The following SNX18 variants were observed in gnomAD, a reference collection of about 807,000 sequenced individuals.
SNX18 encodes the protein sorting nexin-18.
Under a neutral mutation model 48.7 loss-of-function variants are expected in SNX18, and 35 were observed. The ratio of observed to expected loss-of-function variants is 0.72; its 90% CI spans 0.55 to 0.95. SNX18 has a LOEUF of 0.95. Among genes scored for constraint, SNX18 ranks in the 40% least tolerant of loss-of-function variants. The probability of loss-of-function intolerance (pLI) is 0.00; values close to 1 mark genes in which losing one functional copy is unlikely to be tolerated. For missense variants in SNX18, 824 were observed against 871.0 expected, an observed-to-expected ratio of 0.95 and a Z score of 0.68; for synonymous variants, 492 against 384.7, an observed-to-expected ratio of 1.28 and a Z score of -3.26.
the SNX18 span, among the ~76,000 whole-genome samples, chr5:54,583,639 A>G: frequency 6.6e-6 from 1 of 152,220 alleles, no homozygotes; most frequent in African/African-American, 2.4e-5. Flanking sequence ...TATGTATAAA[A>G]TGAAGATCAA....
chr5:54,535,816 T>C (rs1459607576), intron 1 of SNX18, among the ~76,000 whole-genome samples: 2 of 152,174 alleles, frequency 1.3e-5, no homozygotes, highest in Non-Finnish European at 2.9e-5. Context: ...GCTCTGCCCT[T>C]CTTACCTGGG....
the SNX18 span, among the ~76,000 whole-genome samples, chr5:54,613,671 A>G: frequency 6.6e-6 from 1 of 152,152 alleles, no homozygotes; most frequent in South Asian, 2.1e-4. Context: ...GTTTTAATCA[A>G]TCAGTAAAAG....
chr5:54,573,732 C>A, the SNX18 span, among the ~76,000 whole-genome samples: 1 of 152,126 alleles, frequency 6.6e-6, no homozygotes, highest in Non-Finnish European at 1.5e-5. Context: ...AAAAGCCACA[C>A]TTCAGGAAGA....
intron 1 of SNX18, chr5:54,520,560 C>G (rs927997032): frequency 2.6e-5 from 2 of 76,404 alleles, no homozygotes; most frequent in African/African-American, 9.6e-5. Context: ...CCTGTTTCCT[C>G]AGCGGGTCTG....
At chr5:54,575,942 G>C in the SNX18 span, among the ~76,000 whole-genome samples, 1,211 of 152,140 alleles carry the variant, frequency 8.0e-3, 15 homozygotes, top group African/African-American at 0.028. Flanking sequence ...TGTCTAAAAG[G>C]CATACAAGCA....
chr5:54,558,259 C>T, the SNX18 span, among the ~76,000 whole-genome samples: 1 of 152,180 alleles, frequency 6.6e-6, no homozygotes, highest in Non-Finnish European at 1.5e-5. Context: ...AGAAATGACT[C>T]AAGGGCACAA....
At chr5:54,630,441 G>A in the SNX18 span, among the ~76,000 whole-genome samples, 54 of 152,250 alleles carry the variant, frequency 3.5e-4, no homozygotes, top group Non-Finnish European at 5.4e-4. Flanking sequence ...CATTTTGAAA[G>A]CTGACCCACC....
chr5:54,577,101 A>ATAAG, the SNX18 span, among the ~76,000 whole-genome samples: 1 of 152,100 alleles, frequency 6.6e-6, no homozygotes, highest in Non-Finnish European at 1.5e-5. Flanking sequence ...GTGCCCGGCC[A>ATAAG]TAAGTAGCTG....
the SNX18 span, among the ~76,000 whole-genome samples, chr5:54,553,208 A>G: frequency 6.6e-6 from 1 of 152,200 alleles, no homozygotes; most frequent in African/African-American, 2.4e-5. Context: ...AGGGGCGTTG[A>G]GCAGGAAAGA....
Position 54,518,203 on chromosome 5 carries a change from G to A in SNX18, c.251G>A (p.Gly84Glu). ...GCCCGCTACGCCAATGTGCCCCCCG[G>A]GGGCTTCGAGCCCCTGCCTGTCGCG... ...APARYANVPP[G>E]GFEPLPVAPP... The change falls in exon 1 of 2, where the codon GGG becomes GAG. Residue 84 changes from glycine to glutamate, a missense_variant. Transcript: ENST00000381410. 7.2e-7 allele frequency: 1 copy of A among 1,397,146 alleles called. No individual in the cohort carries two copies. Among genetic ancestry groups the A allele is most frequent in the Non-Finnish European group, 9.2e-7 (1 of 1,085,392 alleles). 86.5% of individuals were successfully genotyped at this position (1,397,146 alleles called of 1,614,324 possible).
At chr5:54,572,712 C>G in the SNX18 span, among the ~76,000 whole-genome samples, 1 of 137,968 alleles carries the variant, frequency 7.2e-6, no homozygotes, top group African/African-American at 2.8e-5. Context: ...ATTTAAAACA[C>G]TTTCTCCTCC....
the SNX18 span, among the ~76,000 whole-genome samples, chr5:54,586,095 G>A: frequency 0.85 from 129,956 of 152,138 alleles, 55,682 homozygotes; most frequent in African/African-American, 0.92. Context: ...TCTAACCCCT[G>A]TGGAAAGAAG....
chr5:54,580,604 G>A, the SNX18 span, among the ~76,000 whole-genome samples: 8 of 152,114 alleles, frequency 5.3e-5, no homozygotes, highest in Non-Finnish European at 1.2e-4. Flanking sequence ...TCATCTCCAG[G>A]ACTCCTTGCA....
At chr5:54,528,684 T>C (rs1334042924) in intron 1 of SNX18, among the ~76,000 whole-genome samples, 1 of 152,198 alleles carries the variant, frequency 6.6e-6, no homozygotes, top group Non-Finnish European at 1.5e-5. Context: ...GTCGTGGACA[T>C]GCACCATGAT....
At chr5:54,582,213 T>C in the SNX18 span, among the ~76,000 whole-genome samples, 1 of 152,226 alleles carries the variant, frequency 6.6e-6, no homozygotes, top group Non-Finnish European at 1.5e-5. Flanking sequence ...CAGATTACGG[T>C]TGGCTAGTAT....
At chr5:54,613,053 G>C in the SNX18 span, among the ~76,000 whole-genome samples, 1 of 152,196 alleles carries the variant, frequency 6.6e-6, no homozygotes, top group African/African-American at 2.4e-5. Context: ...TGCTTGTATT[G>C]TGACAATGGG....
the SNX18 span, among the ~76,000 whole-genome samples, chr5:54,576,793 G>GTTTTT: frequency 7.1e-6 from 1 of 140,636 alleles, no homozygotes; most frequent in African/African-American, 2.6e-5. Flanking sequence ...TTGTTTGTTT[G>GTTTTT]TTTGTTTGCT....
the SNX18 span, among the ~76,000 whole-genome samples, chr5:54,585,721 C>T: frequency 1.5e-3 from 221 of 151,920 alleles, no homozygotes; most frequent in Admixed American, 3.6e-3. Context: ...ACTCCTTCCC[C>T]GGCCGGGCGC....
chr5:54,562,568 G>A, the SNX18 span, among the ~76,000 whole-genome samples: 53 of 152,222 alleles, frequency 3.5e-4, no homozygotes, highest in Middle Eastern at 3.4e-3. Flanking sequence ...GCAGCACAAC[G>A]CGTTTCTCCT....
Sources: allele counts gnomAD v4.1 joint callset (sites outside exome capture counted in the v4.1 genomes callset), GRCh38; gene constraint gnomAD v4.1.1; transcripts MANE v1.5; gene names NCBI Gene and HGNC (gene_info 2026-07-23, HGNC 2026-07-21).